The following CDH13 variants were observed in gnomAD, a reference collection of about 807,000 sequenced individuals.
CDH13 encodes cadherin-13.
Under a neutral mutation model 63.8 loss-of-function variants are expected in CDH13, and 24 were observed. The ratio of observed to expected loss-of-function variants is 0.38; its 90% CI spans 0.27 to 0.53. The LOEUF is 0.53. Among genes scored for constraint, CDH13 ranks in the 20% least tolerant of loss-of-function variants. The pLI is 0.85. For synonymous variants in CDH13, 503 were observed against 355.3 expected, an observed-to-expected ratio of 1.42 and a Z score of -4.67; for missense variants, 1,049 against 903.1, an observed-to-expected ratio of 1.16 and a Z score of -2.07.
chr16:83,560,594 A>C (rs918401232), intron 7 of CDH13, among the ~76,000 whole-genome samples: 7 of 152,248 alleles, frequency 4.6e-5, no homozygotes, highest in African/African-American at 1.7e-4. Context: ...AAGACCTACT[A>C]TTTAGAGTTT....
At position 83,028,408 on chromosome 16, in the gene CDH13, C is replaced by T. The variant is rs147123957; in HGVS notation, c.158-3602C>T. Reference sequence around the variant, plus strand: ...GATGGCTCTAAAGCTGACTTAACCACGGAAAGCCTTAGAACCTTTGCAGAG... The same window carrying T: ...GATGGCTCTAAAGCTGACTTAACCATGGAAAGCCTTAGAACCTTTGCAGAG... On this transcript the variant is annotated intron_variant, in intron 2 of 13. Transcript: ENST00000567109. Among the ~76,000 whole-genome samples the T allele has an allele frequency of 1.2e-4, 18 of 152,268 alleles. No individual in the cohort carries two copies. The East Asian group carries it at 2.9e-3, about 25-fold the overall frequency.
chr16:83,392,686 G>T (rs778696304), intron 6 of CDH13, among the ~76,000 whole-genome samples: 2 of 152,220 alleles, frequency 1.3e-5, no homozygotes, highest in Admixed American at 1.3e-4. Flanking sequence ...TATAAAACAA[G>T]AAAAGACGCT....
Position 82,873,312 on chromosome 16 carries a change from T to C in CDH13, c.157+14839T>C, listed in dbSNP as rs150382556. 2.0e-5 allele frequency among the ~76,000 whole-genome samples: 3 copies of C among 152,292 alleles called. No individual in the cohort carries two copies. In the East Asian group the frequency reaches 5.8e-4, roughly 29 times the overall value. On this transcript the variant is annotated intron_variant, in intron 2 of 13. Transcript: ENST00000567109. ...AGGATTATAAACTCTATGTTATAGATAGGGGTATAAAGATTGACTAAAGAG... is the reference window on the plus strand; with the variant it reads ...AGGATTATAAACTCTATGTTATAGACAGGGGTATAAAGATTGACTAAAGAG...
At chr16:82,646,608 A>G (rs541679196) in intron 1 of CDH13, among the ~76,000 whole-genome samples, 14 of 152,292 alleles carry the variant, frequency 9.2e-5, no homozygotes, top group African/African-American at 3.4e-4. Flanking sequence ...TATGGTTAGA[A>G]GCCATTTCTT....
chr16:83,505,875 G>A lies in CDH13; in HGVS notation c.960+19220G>A, dbSNP rs555958691. On this transcript the variant is annotated intron_variant, in intron 7 of 13. Transcript: ENST00000567109. ...TGCAGATATGATGTGATTATTAAAA[G>A]CAGCCTCCATTGCCAACATTGCAAA... Among the ~76,000 whole-genome samples the A allele has an allele frequency of 2.6e-5, 4 of 152,276 alleles. No individual in the cohort carries two copies. The South Asian group carries it at 8.3e-4, about 32-fold the overall frequency.
At chr16:83,092,091 A>G (rs1487213458) in intron 3 of CDH13, among the ~76,000 whole-genome samples, 1 of 152,258 alleles carries the variant, frequency 6.6e-6, no homozygotes, top group Non-Finnish European at 1.5e-5. Context: ...CCATGAAATA[A>G]TAAGTAATTC....
chr16:82,818,681 C>G (rs536534029), intron 1 of CDH13, among the ~76,000 whole-genome samples: 1 of 152,050 alleles, frequency 6.6e-6, no homozygotes, highest in Non-Finnish European at 1.5e-5. Flanking sequence ...CTGTAGAAAT[C>G]GGGCATTTTC....
intron 7 of CDH13, among the ~76,000 whole-genome samples, chr16:83,542,702 G>T (rs2075316140): frequency 6.6e-6 from 1 of 152,174 alleles, no homozygotes; most frequent in Non-Finnish European, 1.5e-5. Context: ...TCTTTGGCTT[G>T]CAGAAGCATC....
Position 82,913,257 on chromosome 16 carries a change from A to T in CDH13, c.157+54784A>T, listed in dbSNP as rs28578186. Among the ~76,000 whole-genome samples, 836 of 152,242 alleles carry T rather than the reference A, an allele frequency of 5.5e-3. 4 individuals are homozygous for T. The highest frequency in any genetic ancestry group is 0.019 in the African/African-American group (804 of 41,544). On this transcript the variant is annotated intron_variant, in intron 2 of 13. Transcript: ENST00000567109. ...TCCAAAGGGCAGGTAGCAGGTCTGA[A>T]GTGAGAGAGGGAAACGTTCGATGCT...
At chr16:83,731,382 T>C (rs771553119) in intron 10 of CDH13, among the ~76,000 whole-genome samples, 11 of 152,340 alleles carry the variant, frequency 7.2e-5, no homozygotes, top group African/African-American at 2.2e-4. Flanking sequence ...TGGTATCTCA[T>C]TGTGGTTTTG....
intron 7 of CDH13, among the ~76,000 whole-genome samples, chr16:83,551,390 C>T (rs535185826): frequency 1.3e-5 from 2 of 152,290 alleles, no homozygotes; most frequent in African/African-American, 2.4e-5. Context: ...ATGTAAGTCT[C>T]ATCATGTTAC....
At chr16:83,594,259 T>C (rs1406085697) in intron 7 of CDH13, among the ~76,000 whole-genome samples, 1 of 152,226 alleles carries the variant, frequency 6.6e-6, no homozygotes, top group African/African-American at 2.4e-5. Flanking sequence ...CATTTACATA[T>C]GCCAAGCTCT....
intron 1 of CDH13, among the ~76,000 whole-genome samples, chr16:82,739,001 A>G (rs1426611452): frequency 1.3e-5 from 2 of 152,232 alleles, no homozygotes; most frequent in Admixed American, 1.3e-4. Context: ...AAATATTCAA[A>G]GAAGCAGTGA....
At chr16:83,030,754 C>A (rs550251270) in intron 2 of CDH13, among the ~76,000 whole-genome samples, 1 of 151,522 alleles carries the variant, frequency 6.6e-6, no homozygotes, top group Non-Finnish European at 1.5e-5. Flanking sequence ...ACTCTCTCCA[C>A]ACAACAAATC....
intron 13 of CDH13, among the ~76,000 whole-genome samples, chr16:83,783,833 G>T (rs1156950204): frequency 6.6e-6 from 1 of 152,192 alleles, no homozygotes; most frequent in East Asian, 1.9e-4. Flanking sequence ...ACATTATGCA[G>T]AATAATCTTT....
At chr16:83,561,987 C>T (rs1220812660) in intron 7 of CDH13, among the ~76,000 whole-genome samples, 2 of 152,170 alleles carry the variant, frequency 1.3e-5, no homozygotes, top group African/African-American at 2.4e-5. Flanking sequence ...GATAGTGCCG[C>T]AGAGTCAAGA....
intron 3 of CDH13, among the ~76,000 whole-genome samples, chr16:83,082,308 G>C (rs67334931): frequency 0.62 from 93,782 of 151,884 alleles, 29,567 homozygotes; most frequent in African/African-American, 0.74. Flanking sequence ...AGCATCAATT[G>C]TCAAACAAGC....
intron 1 of CDH13, among the ~76,000 whole-genome samples, chr16:82,637,345 A>G (rs1287350068): frequency 6.6e-6 from 1 of 151,004 alleles, no homozygotes; most frequent in Non-Finnish European, 1.5e-5. Flanking sequence ...TTTTCTCAAC[A>G]AAGATATTTA....
intron 5 of CDH13, among the ~76,000 whole-genome samples, chr16:83,281,799 G>C (rs1465553174): frequency 6.6e-6 from 1 of 151,296 alleles, no homozygotes. Flanking sequence ...TGTAATCCCA[G>C]CTACTCGGGA....
Sources: gnomAD v4.1 joint callset for allele counts (sites outside exome capture counted in the v4.1 genomes callset) on GRCh38, gnomAD v4.1.1 for gene constraint, MANE v1.5 for transcripts, NCBI Gene and HGNC (gene_info 2026-07-23, HGNC 2026-07-21) for gene names.